Variants in ENTPD3 observed in about 807,000 individuals in gnomAD.
ENTPD3 encodes the protein CD39 antigen-like 3.
A neutral mutation model predicts 51.2 loss-of-function variants in ENTPD3; 60 were observed. The ratio of observed to expected loss-of-function variants is 1.17; its 90% confidence interval spans 0.95 to 1.45. The LOEUF (loss-of-function observed/expected upper bound fraction) is 1.45, where lower values mean the gene tolerates loss of function less well. Ranked by LOEUF, ENTPD3 falls within the 40% of genes most tolerant of loss-of-function variation. ENTPD3 has a pLI of 0.00. For missense variants in ENTPD3, 593 were observed against 641.1 expected, an observed-to-expected ratio of 0.93 and a Z score of 0.81; for synonymous variants, 221 against 238.4, an observed-to-expected ratio of 0.93 and a Z score of 0.67.
Position 40,423,356 on chromosome 3 carries a change from CT to C in ENTPD3, c.1172del (p.Phe391SerfsTer43). 2 of 1,613,990 alleles carry C rather than the reference CT, an allele frequency of 1.2e-6. No individual in the cohort carries two copies. The highest frequency in any genetic ancestry group is 1.7e-6 in the Non-Finnish European group (2 of 1,179,928). On this transcript the variant is annotated frameshift_variant, in exon 9 of 11. Coordinates refer to ENST00000301825, the MANE Select transcript of ENTPD3 (RefSeq NM_001248.4). LOFTEE classifies it high-confidence loss of function. The stretch of plus-strand genomic sequence containing the variant: ...TTTCAGGTAGCTTTTCCCTGGACAC[CT>C]TCAACTCCAGCACCTGGAATTTCTG... The part of the protein sequence containing the change: ...NLSGSFSLDT[F>X]NSSTWNFCSQ...
rs1955917345 is a variant in ENTPD3, at chr3:40,423,272, C to T, written c.1105-19C>T. ...CCCCATTCTGAGAACTAATTTTCTTCTGTATTACTTATTTCCAGGCTTTTG... is the reference window on the plus strand; with the variant it reads ...CCCCATTCTGAGAACTAATTTTCTTTTGTATTACTTATTTCCAGGCTTTTG... On this transcript the variant is annotated intron_variant, in intron 8 of 10. Transcript: ENST00000301825. The T allele has an allele frequency of 2.5e-6, 4 of 1,598,300 alleles. No individual in the cohort carries two copies. Among genetic ancestry groups the T allele is most frequent in the Non-Finnish European group, 3.4e-6 (4 of 1,166,674 alleles).
rs773008402 is a variant in ENTPD3, at chr3:40,422,867, C to T, written c.849C>T (p.Asn283=). The change falls in exon 8 of 11, where the codon AAC becomes AAT. Residue 283 remains asparagine, a synonymous_variant. Coordinates refer to ENST00000301825, the MANE Select transcript of ENTPD3 (RefSeq NM_001248.4). The stretch of plus-strand genomic sequence containing the variant: ...ACCTACAGAATTCTCCTACCAAAAA[C>T]CATCTCACCAATCCCTGTTACCCTC... ...AMLLQNSPTK[N]HLTNPCYPRD... 1 of 1,612,520 alleles carries T rather than the reference C, an allele frequency of 6.2e-7. No homozygotes were observed.
At position 40,422,990 on chromosome 3, in the gene ENTPD3, T is replaced by C. The variant is rs944992252; in HGVS notation, c.972T>C (p.Thr324=). The C allele has an allele frequency of 3.7e-6, 6 of 1,614,030 alleles. No homozygotes were observed. Among genetic ancestry groups the C allele is most frequent in the Non-Finnish European group, 5.1e-6 (6 of 1,180,014 alleles). The change falls in exon 8 of 11, where the codon ACT becomes ACC. Residue 324 remains threonine, a synonymous_variant. Transcript: ENST00000301825. ...GTTATAACCCCAATGATGTCATCAC[T>C]TTTGAAGGAACTGGGGACCCATCTC... ...PESYNPNDVI[T]FEGTGDPSLC...
rs777937367 is a variant in ENTPD3, at chr3:40,416,027, A to G, written c.785A>G (p.Tyr262Cys). The change falls in exon 7 of 11, where the codon TAT becomes TGT. Residue 262 changes from tyrosine to cysteine, a missense_variant. Tyr to Cys is a radical substitution (Grantham distance 194, BLOSUM62 -2). Coordinates refer to ENST00000301825, the MANE Select transcript of ENTPD3 (RefSeq NM_001248.4). ...YTLYTHSFQC[Y>C]GRNEAEKKFL... ...CTCTACACACACAGCTTCCAGTGCTATGGCCGGAATGAGGCTGAGAAGAAG... is the reference window on the plus strand; with the variant it reads ...CTCTACACACACAGCTTCCAGTGCTGTGGCCGGAATGAGGCTGAGAAGAAG... 4 of 1,613,946 alleles carry G rather than the reference A, an allele frequency of 2.5e-6. No homozygotes were observed. Among genetic ancestry groups the G allele is most frequent in the Admixed American group, 3.3e-5 (2 of 59,986 alleles).
At chr3:40,392,986 C>G (rs1402212696) in intron 3 of ENTPD3, among the ~76,000 whole-genome samples, 2 of 149,708 alleles carry the variant, frequency 1.3e-5, no homozygotes, top group African/African-American at 2.5e-5. Flanking sequence ...AACACCCCCC[C>G]GGCAAAAAAA....
chr3:40,393,578 T>C (rs1219683689), intron 3 of ENTPD3, among the ~76,000 whole-genome samples: 2 of 152,156 alleles, frequency 1.3e-5, no homozygotes, highest in African/African-American at 4.8e-5. Flanking sequence ...CATTAGATAA[T>C]ATAATAGCAT....
chr3:40,390,998 T>C (rs563365630), intron 2 of ENTPD3: 1 of 152,354 alleles, frequency 6.6e-6, no homozygotes, highest in African/African-American at 2.4e-5. Flanking sequence ...GGTCTTATTC[T>C]GTCACCCAGG....
At chr3:40,391,719 T>A (rs1457781653) in intron 2 of ENTPD3, 4 of 376,140 alleles carry the variant, frequency 1.1e-5, no homozygotes, top group South Asian at 5.2e-5. Context: ...GTAAAACAAA[T>A]GTTATTGTAA....
intron 5 of ENTPD3, among the ~76,000 whole-genome samples, chr3:40,413,414 T>C (rs1346751755): frequency 6.6e-6 from 1 of 152,220 alleles, no homozygotes; most frequent in Non-Finnish European, 1.5e-5. Flanking sequence ...TTCAATTCCA[T>C]TAAATGTCTG....
intron 7 of ENTPD3, 68 bp downstream of exon 7, chr3:40,416,141 T>TCA: frequency 2.6e-6 from 3 of 1,149,700 alleles, no homozygotes; most frequent in Non-Finnish European, 3.9e-6. Flanking sequence ...GAGAATGCCC[T>TCA]GCCTTCTGGG....
Position 40,428,397 on chromosome 3 carries a change from A to C in ENTPD3, c.*889A>C, listed in dbSNP as rs1956019972. 6.6e-6 allele frequency: 1 copy of C among 152,166 alleles called. No individual in the cohort carries two copies. The allele number at this position is 152,166 out of a possible 1,614,324, so 9.4% of individuals were successfully genotyped here. Reference sequence around the variant, plus strand: ...TGTCATAGAACGAACATCCTACTCTATGATTTACTAACCAATTACTTTCCC... The same window carrying C: ...TGTCATAGAACGAACATCCTACTCTCTGATTTACTAACCAATTACTTTCCC... On this transcript the variant is annotated 3_prime_UTR_variant, in exon 11 of 11. Coordinates refer to ENST00000301825, the MANE Select transcript of ENTPD3 (RefSeq NM_001248.4).
intron 10 of ENTPD3, chr3:40,424,290 GTTGAA>G: frequency 2.5e-6 from 1 of 401,652 alleles, no homozygotes; most frequent in Non-Finnish European, 3.4e-6. Context: ...GTAAATGTTG[GTTGAA>G]TTCATAAATA....
chr3:40,400,264 CAAA>C (rs374610863), intron 3 of ENTPD3, among the ~76,000 whole-genome samples: 11 of 72,550 alleles, frequency 1.5e-4, no homozygotes, highest in Non-Finnish European at 1.7e-4. Flanking sequence ...AACTGCATCT[CAAA>C]AAAAAAAAAA....
intron 4 of ENTPD3, among the ~76,000 whole-genome samples, chr3:40,403,736 T>C (rs1471406534): frequency 2.0e-5 from 3 of 151,096 alleles, no homozygotes; most frequent in African/African-American, 7.3e-5. Context: ...CGCTGCAGCC[T>C]AGACTTCCTG....
intron 2 of ENTPD3, chr3:40,391,602 G>A (rs1955056483): frequency 6.0e-6 from 1 of 167,262 alleles, no homozygotes; most frequent in East Asian, 1.9e-4. Context: ...CTTGAACCTG[G>A]GAGTTGGAAG....
intron 9 of ENTPD3, 110 bp downstream of exon 9, chr3:40,423,511 A>G (rs1559519460): frequency 3.7e-6 from 3 of 819,822 alleles, no homozygotes; most frequent in Non-Finnish European, 5.8e-6. Context: ...TTTCCATCAC[A>G]TCTGTAAAAT....
At chr3:40,425,659 G>A (rs1276761705) in intron 10 of ENTPD3, among the ~76,000 whole-genome samples, 1 of 151,974 alleles carries the variant, frequency 6.6e-6, no homozygotes, top group Non-Finnish European at 1.5e-5. Context: ...CACTTTGGGA[G>A]GCCGAGGCAG....
At chr3:40,397,732 C>T (rs1955241854) in intron 3 of ENTPD3, among the ~76,000 whole-genome samples, 1 of 152,134 alleles carries the variant, frequency 6.6e-6, no homozygotes, top group Non-Finnish European at 1.5e-5. Flanking sequence ...AGGAGACTGG[C>T]CCTTTCAGTT....
chr3:40,400,264 CAAAAAAAA>C (rs374610863), intron 3 of ENTPD3, among the ~76,000 whole-genome samples: 11 of 72,610 alleles, frequency 1.5e-4, no homozygotes, highest in Middle Eastern at 8.1e-3. Flanking sequence ...AACTGCATCT[CAAAAAAAA>C]AAAAAAAAAG....
Sources: allele counts gnomAD v4.1 joint callset (sites outside exome capture counted in the v4.1 genomes callset), GRCh38; gene constraint gnomAD v4.1.1; transcripts MANE v1.5; gene names NCBI Gene and HGNC (gene_info 2026-07-23, HGNC 2026-07-21).